The following TTC7B variants were observed in gnomAD, a reference collection of about 807,000 sequenced individuals.
TTC7B encodes tetratricopeptide repeat domain 7B, also known as tetratricopeptide repeat protein 7B.
Under a neutral mutation model 106.8 loss-of-function variants are expected in TTC7B, and 28 were observed. The ratio of observed to expected loss-of-function variants is 0.26; its 90% CI spans 0.19 to 0.36. The LOEUF (loss-of-function observed/expected upper bound fraction) is 0.36, where lower values mean the gene tolerates loss of function less well. Among genes scored for constraint, TTC7B ranks in the 10% least tolerant of loss-of-function variants. TTC7B has a pLI of 1.00. For synonymous variants in TTC7B, 405 were observed against 430.6 expected (o/e 0.94, Z 0.74); for missense variants, 862 against 1,076.4 (o/e 0.80, Z 2.79).
chr14:90,590,428 T>C (rs1438226019), intron 18 of TTC7B, among the ~76,000 whole-genome samples: 1 of 152,182 alleles, frequency 6.6e-6, no homozygotes, highest in Non-Finnish European at 1.5e-5. Context: ...GAGCTCCCAC[T>C]GTACTCAGTT....
chr14:90,651,766 A>C (rs1231810596), intron 13 of TTC7B, among the ~76,000 whole-genome samples: 1 of 152,192 alleles, frequency 6.6e-6, no homozygotes, highest in East Asian at 1.9e-4. Context: ...GCCTGCTAGG[A>C]AACAGAAATG....
In TTC7B at chr14:90,530,514, C is replaced by G. The variant is rs1889258107; in HGVS notation, c.*10854G>C. The stretch of plus-strand genomic sequence containing the variant: ...GTGCAGATGCCATTTGATGAGGGAT[C>G]TTCAGATGGGGAGAGTGTCTTGGAT... On this transcript the variant is annotated 3_prime_UTR_variant, in exon 20 of 20. Coordinates refer to ENST00000328459, the MANE Select transcript of TTC7B (RefSeq NM_001010854.2). 6.6e-6 allele frequency: 1 copy of G among 152,096 alleles called. No individual in the cohort carries two copies. The highest frequency in any genetic ancestry group is 2.1e-4 in the South Asian group (1 of 4,826). 9.4% of individuals were successfully genotyped at this position (152,096 alleles called of 1,614,324 possible). A position where few individuals can be genotyped will look rare whatever the true frequency, so the allele number is the denominator to read the frequency against.
At chr14:90,649,743 C>A (rs1816219201) in intron 13 of TTC7B, among the ~76,000 whole-genome samples, 1 of 151,814 alleles carries the variant, frequency 6.6e-6, no homozygotes, top group Admixed American at 6.6e-5. Context: ...CAACCACCCA[C>A]CCATCCACCT....
chr14:90,750,323 T>A (rs1890099157), intron 3 of TTC7B, among the ~76,000 whole-genome samples: 1 of 152,082 alleles, frequency 6.6e-6, no homozygotes, highest in African/African-American at 2.4e-5. Flanking sequence ...TTCCCCAGAG[T>A]ATGTCAAAGG....
intron 4 of TTC7B, among the ~76,000 whole-genome samples, chr14:90,731,984 C>T (rs757032938): frequency 1.8e-4 from 27 of 151,964 alleles, no homozygotes; most frequent in Non-Finnish European, 3.8e-4. Context: ...AAATTCAGTA[C>T]AGCACAAAAA....
chr14:90,765,579 T>C (rs764246149), intron 3 of TTC7B, among the ~76,000 whole-genome samples: 9 of 152,222 alleles, frequency 5.9e-5, no homozygotes, highest in African/African-American at 1.9e-4. Context: ...ACTATTGTAC[T>C]GGCACAATCT....
At chr14:90,811,104 G>A (rs2030878757) in intron 1 of TTC7B, among the ~76,000 whole-genome samples, 1 of 152,178 alleles carries the variant, frequency 6.6e-6, no homozygotes, top group Admixed American at 6.5e-5. Flanking sequence ...GACTACCATG[G>A]CCACGAGCCC....
chr14:90,594,907 T>G (rs1892139606), intron 17 of TTC7B, among the ~76,000 whole-genome samples: 1 of 152,136 alleles, frequency 6.6e-6, no homozygotes, highest in Non-Finnish European at 1.5e-5. Context: ...TGCACCTGAA[T>G]CCTTTGGTGA....
intron 3 of TTC7B, among the ~76,000 whole-genome samples, 167 bp from the exon 4 acceptor site, chr14:90,745,089 T>C (rs1595343433): frequency 6.6e-6 from 1 of 152,276 alleles, no homozygotes; most frequent in Non-Finnish European, 1.5e-5. Flanking sequence ...TTCTATTGAT[T>C]GCCTTATTGC....
rs184207787 is a variant in TTC7B at position 90,813,908 on chromosome 14, C to T, written c.121+2267G>A. Among the ~76,000 whole-genome samples, 312 of 152,306 alleles carry T rather than the reference C, an allele frequency of 2.0e-3. 1 individual carries two copies. Among genetic ancestry groups the T allele is most frequent in the Non-Finnish European group, 3.2e-3 (220 of 68,030 alleles). ...GAGTGGGAAGGCCTCACCAGTCAAA[C>T]GGAGGGAAGGCCCCTCTTGCAAACA... is the stretch of plus-strand genomic sequence containing the variant. On this transcript the variant is annotated intron_variant, in intron 1 of 19. Coordinates refer to ENST00000328459, the MANE Select transcript of TTC7B (RefSeq NM_001010854.2).
chr14:90,806,971 G>A (rs537414399), intron 1 of TTC7B, among the ~76,000 whole-genome samples: 9 of 151,888 alleles, frequency 5.9e-5, no homozygotes, highest in Admixed American at 2.0e-4. Flanking sequence ...AGACAAGCAG[G>A]AAGTGACAGA....
At chr14:90,722,748 T>C (rs1009584774) in intron 5 of TTC7B, among the ~76,000 whole-genome samples, 141 of 152,344 alleles carry the variant, frequency 9.3e-4, no homozygotes, top group African/African-American at 3.3e-3. Context: ...TGGTCTTCTT[T>C]ATTAACATCT....
chr14:90,686,725 T>C (rs1887264627), intron 7 of TTC7B, among the ~76,000 whole-genome samples: 1 of 152,244 alleles, frequency 6.6e-6, no homozygotes, highest in South Asian at 2.1e-4. Flanking sequence ...ACTCTATTTA[T>C]AATAGCATCA....
chr14:90,706,281 G>A (rs563836189), intron 5 of TTC7B, among the ~76,000 whole-genome samples: 1 of 151,196 alleles, frequency 6.6e-6, no homozygotes, highest in East Asian at 2.0e-4. Context: ...TCCTGCCTCA[G>A]CCTCCTGAGT....
Position 90,557,945 on chromosome 14 carries a change from G to A in TTC7B, c.2311-16356C>T, listed in dbSNP as rs77203549. 2.9e-4 allele frequency among the ~76,000 whole-genome samples: 44 copies of A among 152,362 alleles called. No homozygotes were observed. The East Asian group carries it at 3.3e-3, about 11-fold the overall frequency. On this transcript the variant is annotated intron_variant, in intron 19 of 19. Coordinates refer to ENST00000328459, the MANE Select transcript of TTC7B (RefSeq NM_001010854.2). ...AGCTGCCAGGCTCCTGAAGACAGGCGCTCATCGCTGCATCTCCTGACACCT... is the reference window on the plus strand; with the variant it reads ...AGCTGCCAGGCTCCTGAAGACAGGCACTCATCGCTGCATCTCCTGACACCT...
chr14:90,783,989 GATGGAAAGCAAAACCT>G (rs1166344606), intron 2 of TTC7B, among the ~76,000 whole-genome samples: 3 of 151,948 alleles, frequency 2.0e-5, no homozygotes, highest in Non-Finnish European at 4.4e-5. Context: ...CATTGTAGAG[GATGGAAAGCAAAACCT>G]ATCAGCACCT....
chr14:90,726,328 T>G (rs113628791), intron 5 of TTC7B, among the ~76,000 whole-genome samples: 3 of 152,144 alleles, frequency 2.0e-5, no homozygotes, highest in African/African-American at 7.2e-5. Flanking sequence ...TGAAAGTGAT[T>G]AGAATGTTAT....
chr14:90,812,071 C>T (rs961589825), intron 1 of TTC7B, among the ~76,000 whole-genome samples: 1 of 152,138 alleles, frequency 6.6e-6, no homozygotes, highest in African/African-American at 2.4e-5. Context: ...GGGAACCAAC[C>T]CCATTATGAC....
chr14:90,710,339 C>T (rs1236296786), intron 5 of TTC7B, among the ~76,000 whole-genome samples: 1 of 152,196 alleles, frequency 6.6e-6, no homozygotes, highest in East Asian at 1.9e-4. Flanking sequence ...TGAGGAATTG[C>T]TCTTACAGAT....
Sources: gnomAD v4.1 joint callset for allele counts (sites outside exome capture counted in the v4.1 genomes callset) on GRCh38, gnomAD v4.1.1 for gene constraint, MANE v1.5 for transcripts, NCBI Gene and HGNC (gene_info 2026-07-23, HGNC 2026-07-21) for gene names.